TENM4: variants seen among roughly 807,000 people sequenced by gnomAD.
The protein encoded by TENM4 is teneurin transmembrane protein 4.
TENM4 carries 82 observed loss-of-function variants against 243.3 expected under a neutral mutation model. The ratio of observed to expected loss-of-function variants is 0.34; its 90% CI spans 0.28 to 0.40. The LOEUF is 0.40. Among genes scored for constraint, TENM4 ranks in the 10% least tolerant of loss-of-function variants. The pLI is 1.00. For missense variants in TENM4, 3,138 were observed against 3,673.3 expected, an observed-to-expected ratio of 0.85 and a Z score of 3.77; for synonymous variants, 1,412 against 1,456.3, an observed-to-expected ratio of 0.97 and a Z score of 0.69.
chr11:79,059,204 GT>G (rs1860024190), intron 6 of TENM4, among the ~76,000 whole-genome samples: 1 of 152,122 alleles, frequency 6.6e-6, no homozygotes, highest in African/African-American at 2.4e-5. Flanking sequence ...TTCAAAGTAG[GT>G]TTCTTAATTT....
intron 1 of TENM4, among the ~76,000 whole-genome samples, chr11:79,307,426 C>T (rs1002537710): frequency 5.9e-5 from 9 of 152,170 alleles, no homozygotes; most frequent in Admixed American, 5.9e-4. Context: ...GCACTGAACC[C>T]CCTAGATCTA....
At chr11:78,974,994 C>G (rs1335622987) in intron 6 of TENM4, among the ~76,000 whole-genome samples, 1 of 151,914 alleles carries the variant, frequency 6.6e-6, no homozygotes, top group Admixed American at 6.6e-5. Context: ...CTGCACCTCC[C>G]TTTCATCACC....
intron 6 of TENM4, among the ~76,000 whole-genome samples, chr11:79,001,088 G>C (rs1407410989): frequency 6.6e-6 from 1 of 152,100 alleles, no homozygotes; most frequent in East Asian, 1.9e-4. Flanking sequence ...AGTAAATATG[G>C]CCTAAATGAC....
At position 79,197,235 on chromosome 11, in the gene TENM4, C is replaced by T. The variant is rs547310682; in HGVS notation, c.-163+18573G>A. On this transcript the variant is annotated intron_variant, in intron 3 of 33. Coordinates refer to ENST00000278550, the MANE Select transcript of TENM4 (RefSeq NM_001098816.3). ...GATTGTTTCTTCAAGTGGTATCATG[C>T]CCATTTGAGCGGGGAGAAAACTCAG... is the stretch of plus-strand genomic sequence containing the variant. 4.6e-5 allele frequency among the ~76,000 whole-genome samples: 7 copies of T among 151,642 alleles called. 1 individual carries two copies. In the South Asian group the frequency reaches 1.5e-3, roughly 32 times the overall value.
intron 18 of TENM4, among the ~76,000 whole-genome samples, chr11:78,761,984 T>A (rs1856440096): frequency 6.6e-6 from 1 of 152,200 alleles, no homozygotes; most frequent in Admixed American, 6.5e-5. Context: ...AGCTTCATCT[T>A]GTTTCTAGAA....
intron 4 of TENM4, among the ~76,000 whole-genome samples, chr11:79,072,061 A>T (rs780107495): frequency 3.9e-5 from 6 of 152,180 alleles, no homozygotes; most frequent in South Asian, 2.1e-4. Flanking sequence ...CCTGATGCTC[A>T]GTGTTCCCAA....
In TENM4 at chr11:78,668,948, C is replaced by T. The variant is rs1308878528; in HGVS notation, c.7397G>A (p.Cys2466Tyr). 1 of 1,612,612 alleles carries T rather than the reference C, an allele frequency of 6.2e-7. No individual in the cohort carries two copies. Among genetic ancestry groups the T allele is most frequent in the African/African-American group, 1.3e-5 (1 of 74,890 alleles). ...GCCGTGGTCCTTACCTGTCATGAAGCACTTGATGTCCTGGGAGTTGCTGAT... is the reference window on the plus strand; with the variant it reads ...GCCGTGGTCCTTACCTGTCATGAAGTACTTGATGTCCTGGGAGTTGCTGAT... Reference protein sequence around the residue: ...NPISNSQDIKCFMTDVNSWLL... With the variant: ...NPISNSQDIKYFMTDVNSWLL... The change falls in exon 32 of 34, where the codon TGC (cysteine) becomes TAC (tyrosine). Residue 2466 changes from cysteine to tyrosine, a missense_variant. Physicochemically the swap from Cys to Tyr is radical, Grantham distance 194. Transcript: ENST00000278550.
chr11:79,225,147 G>T (rs1042708772), intron 2 of TENM4, among the ~76,000 whole-genome samples: 10 of 152,240 alleles, frequency 6.6e-5, no homozygotes, highest in African/African-American at 2.2e-4. Flanking sequence ...TAAGCTTCCA[G>T]AACTATGAGA....
intron 1 of TENM4, among the ~76,000 whole-genome samples, chr11:79,321,019 A>G (rs1856879458): frequency 6.6e-6 from 1 of 152,228 alleles, no homozygotes. Context: ...TGGAGAAGGT[A>G]AGAGATGTGC....
intron 2 of TENM4, among the ~76,000 whole-genome samples, chr11:79,222,952 A>C (rs1346810113): frequency 2.6e-5 from 4 of 152,064 alleles, no homozygotes; most frequent in African/African-American, 4.8e-5. Context: ...ACATGAACGC[A>C]GGGAGGGAAA....
chr11:78,684,559 CAT>C (rs1491050114), intron 29 of TENM4, among the ~76,000 whole-genome samples: 9 of 152,246 alleles, frequency 5.9e-5, no homozygotes, highest in South Asian at 4.1e-4. Flanking sequence ...CACACACACA[CAT>C]CATGGTGAAC....
chr11:78,845,876 A>G (rs1380396412), intron 12 of TENM4, among the ~76,000 whole-genome samples: 3 of 152,236 alleles, frequency 2.0e-5, no homozygotes, highest in Non-Finnish European at 2.9e-5. Context: ...ATCTGAATGG[A>G]GGATAGGAGC....
intron 2 of TENM4, among the ~76,000 whole-genome samples, chr11:79,264,518 G>A (rs1294915910): frequency 1.3e-5 from 2 of 152,156 alleles, no homozygotes; most frequent in African/African-American, 4.8e-5. Context: ...CTGGGTGTGT[G>A]GCAATACCTC....
At chr11:79,318,347 C>A (rs1013396361) in intron 1 of TENM4, among the ~76,000 whole-genome samples, 1 of 152,136 alleles carries the variant, frequency 6.6e-6, no homozygotes, top group Non-Finnish European at 1.5e-5. Flanking sequence ...CACATTTCAG[C>A]TCAATATAAT....
At chr11:79,099,371 A>G (rs1349564215) in intron 4 of TENM4, among the ~76,000 whole-genome samples, 1 of 151,926 alleles carries the variant, frequency 6.6e-6, no homozygotes, top group Non-Finnish European at 1.5e-5. Flanking sequence ...TGTCGTTCTC[A>G]TGGTGTGAAT....
intron 6 of TENM4, among the ~76,000 whole-genome samples, chr11:78,948,332 T>C (rs887002509): frequency 1.3e-5 from 2 of 151,932 alleles, no homozygotes; most frequent in Non-Finnish European, 2.9e-5. Context: ...TCACCTAACA[T>C]ACATACTATA....
chr11:79,148,326 T>C (rs948331339), intron 4 of TENM4, among the ~76,000 whole-genome samples: 1 of 152,100 alleles, frequency 6.6e-6, no homozygotes, highest in Non-Finnish European at 1.5e-5. Flanking sequence ...GTCCAGATTA[T>C]GGGAGAGCTC....
chr11:79,264,884 C>G (rs2135332713), intron 2 of TENM4, among the ~76,000 whole-genome samples: 1 of 152,290 alleles, frequency 6.6e-6, no homozygotes, highest in South Asian at 2.1e-4. Context: ...GTTTATACCT[C>G]TGGTCTTGTC....
At chr11:78,674,389 T>C (rs1425816486) in intron 30 of TENM4, among the ~76,000 whole-genome samples, 1 of 152,254 alleles carries the variant, frequency 6.6e-6, no homozygotes, top group Admixed American at 6.5e-5. Context: ...CAATCTCAGG[T>C]TGGGAGAGGG....
Sources: allele counts gnomAD v4.1 joint callset (sites outside exome capture counted in the v4.1 genomes callset), GRCh38; gene constraint gnomAD v4.1.1; transcripts MANE v1.5; gene names NCBI Gene and HGNC (gene_info 2026-07-23, HGNC 2026-07-21).